Variants in HOXD3 observed in about 807,000 individuals in gnomAD.
HOXD3 encodes the protein homeobox D3.
In HOXD3, 13 loss-of-function variants were observed where a neutral mutation model predicts 32.8. The observed-to-expected ratio is 0.40, with a 90% confidence interval of 0.26 to 0.63. The LOEUF (loss-of-function observed/expected upper bound fraction) is 0.63, where lower values mean the gene tolerates loss of function less well. Among genes scored for constraint, HOXD3 ranks in the 20% least tolerant of loss-of-function variants. The probability of loss-of-function intolerance (pLI) is 0.44; values close to 1 mark genes in which losing one functional copy is unlikely to be tolerated. For missense variants in HOXD3, 504 were observed against 577.1 expected (o/e 0.87, Z 1.30); for synonymous variants, 241 against 246.8 (o/e 0.98, Z 0.22).
At chr2:176,154,622 T>G (rs377154405), upstream of HOXD3, among the ~76,000 whole-genome samples, 8 of 152,348 alleles carry the variant, frequency 5.3e-5, no homozygotes, top group East Asian at 1.2e-3. Context: ...CTCTGTAGGC[T>G]TGTTCTTTGG....
Position 176,172,382 on chromosome 2 carries a change from C to T in HOXD3, c.*108C>T. 3.5e-6 allele frequency: 4 copies of T among 1,148,522 alleles called. No homozygotes were observed. Among genetic ancestry groups the T allele is most frequent in the Non-Finnish European group, 4.8e-6 (4 of 838,440 alleles). 71.1% of individuals were successfully genotyped at this position (1,148,522 alleles called of 1,614,324 possible). ...TCGGGAACCCCCTTCCCCGCTCTTG[C>T]CCTGCCGCCGCCTCCCGGGTCTCAG... On this transcript the variant is annotated 3_prime_UTR_variant, in exon 4 of 4. Transcript: ENST00000683222.
At chr2:176,158,449 C>G (rs1690696363) in intron 1 of HOXD3, among the ~76,000 whole-genome samples, 1 of 152,226 alleles carries the variant, frequency 6.6e-6, no homozygotes, top group Admixed American at 6.5e-5. Context: ...TTCCAGCTTG[C>G]AGCTCCGACC....
At chr2:176,169,701 T>C (rs757069903) in intron 3 of HOXD3, 46 bp downstream of exon 3, 11 of 1,532,928 alleles carry the variant, frequency 7.2e-6, no homozygotes, top group African/African-American at 4.1e-5. Flanking sequence ...CCCCTCCAGA[T>C]TGACCCAAGG....
upstream of HOXD3, chr2:176,153,235 G>T: frequency 2.3e-6 from 1 of 436,132 alleles, no homozygotes; most frequent in Admixed American, 3.9e-5. Flanking sequence ...CACCGCTCTT[G>T]GATTTTGAAT....
Position 176,171,541 on chromosome 2 carries a change from C to T in HOXD3, c.566C>T (p.Pro189Leu). 1 of 1,595,600 alleles carries T rather than the reference C, an allele frequency of 6.3e-7. No individual in the cohort carries two copies. The highest frequency in any genetic ancestry group is 8.5e-7 in the Non-Finnish European group (1 of 1,169,974). ...TAGESCEDKSPPGPASKRVRT... is the reference protein window; with the variant it reads ...TAGESCEDKSLPGPASKRVRT... ...GGAGAGAGCTGCGAGGACAAGAGCC[C>T]GCCAGGCCCAGCATCCAAGCGGGTA... is the stretch of plus-strand genomic sequence containing the variant. The change falls in exon 4 of 4, where the codon CCG (proline) becomes CTG (leucine). Residue 189 changes from proline (P) to leucine (L), a missense_variant. By Grantham distance (98) the Pro-to-Leu change is moderately conservative. Coordinates refer to ENST00000683222, the MANE Select transcript of HOXD3 (RefSeq NM_006898.5).
chr2:176,157,307 G>C lies in HOXD3; in HGVS notation c.-326G>C, dbSNP rs984466486. On this transcript the variant is annotated 5_prime_UTR_variant, in exon 1 of 4. Coordinates refer to ENST00000683222, the MANE Select transcript of HOXD3 (RefSeq NM_006898.5). ...ATTCAGCACGTCCCTTAAGAAACAC[G>C]GAGTCGTCATTAATCTGCCACGCAA... 7.9e-5 allele frequency among the ~76,000 whole-genome samples: 12 copies of C among 152,250 alleles called. No homozygotes were observed. In the East Asian group the frequency reaches 2.1e-3, roughly 27 times the overall value.
intron 3 of HOXD3, among the ~76,000 whole-genome samples, chr2:176,170,615 G>A (rs1691139341): frequency 6.6e-6 from 1 of 152,192 alleles, no homozygotes; most frequent in Non-Finnish European, 1.5e-5. Context: ...GGTGTGGCTT[G>A]CTATCAGGGA....
chr2:176,153,810 C>T (rs1203669404), upstream of HOXD3, among the ~76,000 whole-genome samples: 3 of 152,090 alleles, frequency 2.0e-5, no homozygotes, highest in African/African-American at 4.8e-5. Context: ...TGCTTACAAC[C>T]AGTTCTGGGT....
chr2:176,154,049 C>G (rs1690596485), upstream of HOXD3, among the ~76,000 whole-genome samples: 1 of 150,650 alleles, frequency 6.6e-6, no homozygotes, highest in African/African-American at 2.4e-5. Context: ...GTGAGGAACT[C>G]TTGCTTTAAG....
At chr2:176,153,857 A>G (rs376482214), upstream of HOXD3, among the ~76,000 whole-genome samples, 72 of 152,372 alleles carry the variant, frequency 4.7e-4, no homozygotes, top group African/African-American at 1.3e-3. Context: ...CAAATGGTCC[A>G]ACATTTTCCT....
At position 176,169,470 on chromosome 2, in the gene HOXD3, C is replaced by A. The variant is rs1219864193; in HGVS notation, c.356C>A (p.Pro119His). The change falls in exon 3 of 4, where the codon CCC (proline) becomes CAC (histidine). Residue 119 changes from proline to histidine, a missense_variant. By Grantham distance (77) the Pro-to-His change is moderately conservative (BLOSUM62 -2). This residue lies in a region of HOXD3 where 181 missense variants were observed against 172.2 expected (regional missense o/e 1.05). Transcript: ENST00000683222. ...AACTCAGAGCAGCAGCCACCACAAC[C>A]CCCTCCTCCACCACCGACCCTGCCC... ...GLNSEQQPPQ[P>H]PPPPPTLPPS... 3 of 1,612,952 alleles carry A rather than the reference C, an allele frequency of 1.9e-6. No homozygotes were observed. The highest frequency in any genetic ancestry group is 2.5e-6 in the Non-Finnish European group (3 of 1,179,480).
chr2:176,163,323 G>T (rs2105438959), intron 1 of HOXD3, among the ~76,000 whole-genome samples: 1 of 151,866 alleles, frequency 6.6e-6, no homozygotes, highest in African/African-American at 2.4e-5. Context: ...GGGGGACTCT[G>T]TCTCTCTCCT....
At chr2:176,155,531 C>T (rs1029137469), upstream of HOXD3, among the ~76,000 whole-genome samples, 21 of 152,276 alleles carry the variant, frequency 1.4e-4, no homozygotes, top group African/African-American at 5.1e-4. Flanking sequence ...GTTAATGGAG[C>T]CTGGATGGCC....
Position 176,169,359 on chromosome 2 carries a change from A to G in HOXD3, c.245A>G (p.Lys82Arg). The part of the protein sequence containing the change: ...SSAPLRAPAH[K>R]GAELNGSCMR... ...GCCCCTCTGAGAGCCCCAGCCCACAAAGGAGCTGAACTCAATGGCAGCTGC... is the reference window on the plus strand; with the variant it reads ...GCCCCTCTGAGAGCCCCAGCCCACAGAGGAGCTGAACTCAATGGCAGCTGC... The change falls in exon 3 of 4, where the codon AAA becomes AGA. Residue 82 changes from lysine (K) to arginine (R), a missense_variant. Physicochemically the swap from Lys to Arg is conservative, Grantham distance 26 (BLOSUM62 2). Coordinates refer to ENST00000683222, the MANE Select transcript of HOXD3 (RefSeq NM_006898.5). The G allele has an allele frequency of 1.2e-6, 2 of 1,613,942 alleles. No individual in the cohort carries two copies. Among genetic ancestry groups the G allele is most frequent in the South Asian group, 1.1e-5 (1 of 91,070 alleles).
At position 176,169,473 on chromosome 2, in the gene HOXD3, C is replaced by G. The variant is rs190587708; in HGVS notation, c.359C>G (p.Pro120Arg). 6.2e-7 allele frequency: 1 copy of G among 1,613,128 alleles called. No individual in the cohort carries two copies. The highest frequency in any genetic ancestry group is 1.7e-5 in the Admixed American group (1 of 59,960). ...LNSEQQPPQPPPPPPTLPPSS... is the reference protein window; with the variant it reads ...LNSEQQPPQPRPPPPTLPPSS... ...TCAGAGCAGCAGCCACCACAACCCC[C>G]TCCTCCACCACCGACCCTGCCCCCA... The change falls in exon 3 of 4, where the codon CCT (proline) becomes CGT (arginine). Residue 120 changes from proline to arginine, a missense_variant. By Grantham distance (103) the Pro-to-Arg change is moderately radical. Coordinates refer to ENST00000683222, the MANE Select transcript of HOXD3 (RefSeq NM_006898.5).
chr2:176,172,455 G>GTCT lies in HOXD3; in HGVS notation c.*183_*184insTTC, dbSNP rs34952493. ...GCGACCGGGCCTCCCCTCCATGGGC[G>GTCT]TCCTTTGGGTGACTCGCCATAAATC... On this transcript the variant is annotated 3_prime_UTR_variant, in exon 4 of 4. Coordinates refer to ENST00000683222, the MANE Select transcript of HOXD3 (RefSeq NM_006898.5). The GTCT allele has an allele frequency of 0.26, 155,843 of 593,924 alleles. 22,844 individuals are homozygous for GTCT. The highest frequency in any genetic ancestry group is 0.31 in the Non-Finnish European group (103,610 of 339,514). 36.8% of individuals were successfully genotyped at this position (593,924 alleles called of 1,614,324 possible).
chr2:176,166,260 T>C (rs1259215246), intron 2 of HOXD3, among the ~76,000 whole-genome samples: 1 of 152,196 alleles, frequency 6.6e-6, no homozygotes, highest in Non-Finnish European at 1.5e-5. Context: ...AGCAAATATA[T>C]ATATAAAGCC....
At chr2:176,170,254 T>C (rs1366718022) in intron 3 of HOXD3, among the ~76,000 whole-genome samples, 1 of 152,190 alleles carries the variant, frequency 6.6e-6, no homozygotes, top group Non-Finnish European at 1.5e-5. Context: ...AGTCTGGCTT[T>C]AGGGGCTGCT....
chr2:176,160,678 C>A (rs1690772779), intron 1 of HOXD3, among the ~76,000 whole-genome samples: 3 of 151,762 alleles, frequency 2.0e-5, no homozygotes, highest in Admixed American at 6.6e-5. Context: ...GGGCTCTCTC[C>A]AAATCCAGAA....
Sources: allele counts gnomAD v4.1 joint callset (sites outside exome capture counted in the v4.1 genomes callset), GRCh38; gene constraint gnomAD v4.1.1; regional missense constraint gnomAD v4.1.1; transcripts MANE v1.5; gene names NCBI Gene and HGNC (gene_info 2026-07-23, HGNC 2026-07-21).